The following VEPH1 variants were observed in gnomAD, a reference collection of about 807,000 sequenced individuals.
The protein encoded by VEPH1 is ventricular zone expressed PH domain containing 1.
VEPH1 carries 80 observed loss-of-function variants against 85.2 expected under a neutral mutation model. The ratio of observed to expected loss-of-function variants is 0.94; its 90% CI spans 0.78 to 1.13. The LOEUF (loss-of-function observed/expected upper bound fraction) is 1.13, where lower values mean the gene tolerates loss of function less well. VEPH1 is among the 50% of genes most tolerant of loss of function. The pLI is 0.00. For synonymous variants in VEPH1, 297 were observed against 348.0 expected, an observed-to-expected ratio of 0.85 and a Z score of 1.63; for missense variants, 955 against 980.5, an observed-to-expected ratio of 0.97 and a Z score of 0.35.
chr3:157,321,820 T>C (rs7642909), intron 9 of VEPH1, among the ~76,000 whole-genome samples: 76,215 of 151,958 alleles, frequency 0.5, 19,946 homozygotes, highest in Admixed American at 0.62. Context: ...TCTACTTAAA[T>C]GATTTTTACA....
intron 1 of VEPH1, among the ~76,000 whole-genome samples, chr3:157,501,264 G>A (rs1230303207): frequency 1.3e-5 from 2 of 152,168 alleles, no homozygotes; most frequent in Non-Finnish European, 2.9e-5. Flanking sequence ...TCTCTTGAAT[G>A]GGTCCCTGTT....
At chr3:157,369,201 A>AAAAAAAAAAAAC (rs1727200243) in intron 7 of VEPH1, among the ~76,000 whole-genome samples, 1 of 147,410 alleles carries the variant, frequency 6.8e-6, no homozygotes, top group Admixed American at 6.8e-5. Flanking sequence ...AAAAAAAAAA[A>AAAAAAAAAAAAC]AAACCTCCTG....
At chr3:157,410,865 G>A (rs1731481444) in intron 6 of VEPH1, among the ~76,000 whole-genome samples, 1 of 152,138 alleles carries the variant, frequency 6.6e-6, no homozygotes, top group Non-Finnish European at 1.5e-5. Flanking sequence ...ATCCACAAAT[G>A]TGAAATGAAT....
intron 6 of VEPH1, among the ~76,000 whole-genome samples, chr3:157,392,054 G>T (rs1488531052): frequency 6.6e-6 from 1 of 152,158 alleles, no homozygotes; most frequent in Admixed American, 6.5e-5. Flanking sequence ...GTTAACACTA[G>T]ATCAGCCTTA....
intron 9 of VEPH1, 93 bp downstream of exon 9, chr3:157,363,271 G>GA (rs1045210636): frequency 1.1e-5 from 14 of 1,255,050 alleles, no homozygotes; most frequent in Non-Finnish European, 1.5e-5. Context: ...AAAAGATCCA[G>GA]AAAAGAGTAT....
chr3:157,392,825 G>A (rs189503002), intron 6 of VEPH1, among the ~76,000 whole-genome samples: 5 of 152,232 alleles, frequency 3.3e-5, no homozygotes, highest in Non-Finnish European at 5.9e-5. Context: ...CTAACAGTTC[G>A]GCGGCAGATA....
At chr3:157,320,720 A>C (rs1303974775) in intron 9 of VEPH1, among the ~76,000 whole-genome samples, 1 of 152,162 alleles carries the variant, frequency 6.6e-6, no homozygotes, top group Non-Finnish European at 1.5e-5. Context: ...TAACATGAAC[A>C]TAAGTAATTA....
chr3:157,494,307 A>G (rs976773447), intron 2 of VEPH1, among the ~76,000 whole-genome samples: 1 of 152,040 alleles, frequency 6.6e-6, no homozygotes, highest in African/African-American at 2.4e-5. Flanking sequence ...CTTGAGTCCC[A>G]CCACTTTCAT....
At chr3:157,438,029 GCGCGCGCGCA>G (rs1279332331) in intron 4 of VEPH1, 60 of 844,928 alleles carry the variant, frequency 7.1e-5, no homozygotes, top group African/African-American at 1.7e-4. Context: ...AAGCGCGCGC[GCGCGCGCGCA>G]CACACACACA....
chr3:157,445,423 C>T lies in VEPH1; in HGVS notation c.529+14758G>A, dbSNP rs140526638. Among the ~76,000 whole-genome samples, 519 of 152,160 alleles carry T rather than the reference C, an allele frequency of 3.4e-3. 2 individuals carry two copies. The highest frequency in any genetic ancestry group is 0.011 in the African/African-American group (450 of 41,512). On this transcript the variant is annotated intron_variant, in intron 4 of 13. Transcript: ENST00000362010. The stretch of plus-strand genomic sequence containing the variant: ...AGATCAGAAGCTCAGGAGATCGAGA[C>T]CATCCTGGCCAACATGGTGAAACCC...
At chr3:157,376,030 TC>T (rs1728059663) in intron 7 of VEPH1, among the ~76,000 whole-genome samples, 1 of 152,182 alleles carries the variant, frequency 6.6e-6, no homozygotes, top group Non-Finnish European at 1.5e-5. Flanking sequence ...ACTGTAACCT[TC>T]CTCTACCCTC....
intron 2 of VEPH1, among the ~76,000 whole-genome samples, chr3:157,472,516 T>C (rs1018700368): frequency 6.6e-6 from 1 of 152,040 alleles, no homozygotes. Flanking sequence ...GCTTCAGAAT[T>C]TTTTTTTAAC....
At chr3:157,283,161 T>C (rs375470946) in intron 12 of VEPH1, among the ~76,000 whole-genome samples, 1 of 152,220 alleles carries the variant, frequency 6.6e-6, no homozygotes, top group African/African-American at 2.4e-5. Flanking sequence ...ATTATAACAT[T>C]ACTGAATGAT....
chr3:157,377,781 C>A (rs1046479690), intron 7 of VEPH1, among the ~76,000 whole-genome samples: 1 of 152,166 alleles, frequency 6.6e-6, no homozygotes, highest in African/African-American at 2.4e-5. Context: ...GTTAATTAAA[C>A]CTCTATCCTT....
intron 12 of VEPH1, among the ~76,000 whole-genome samples, chr3:157,284,351 A>G (rs773466795): frequency 1.3e-5 from 2 of 152,192 alleles, no homozygotes; most frequent in Non-Finnish European, 2.9e-5. Flanking sequence ...TACCTTATTC[A>G]TATTTCTATC....
intron 7 of VEPH1, 42 bp from the exon 8 acceptor site, chr3:157,364,554 T>C (rs1199782183): frequency 6.4e-7 from 1 of 1,565,372 alleles, no homozygotes. Flanking sequence ...AGGTCATATA[T>C]ACTCTTCAGA....
At chr3:157,456,870 T>C (rs1421603158) in intron 4 of VEPH1, among the ~76,000 whole-genome samples, 1 of 152,190 alleles carries the variant, frequency 6.6e-6, no homozygotes, top group South Asian at 2.1e-4. Flanking sequence ...CTTTTTTGGT[T>C]CCATATGAAT....
intron 9 of VEPH1, among the ~76,000 whole-genome samples, chr3:157,327,208 C>A (rs16827483): frequency 0.22 from 33,754 of 152,094 alleles, 4,575 homozygotes; most frequent in Admixed American, 0.41. Context: ...GACATTAATG[C>A]TTTCCACCAC....
chr3:157,499,252 G>GTTTTTTT (rs72395333), intron 1 of VEPH1: 25 of 128,424 alleles, frequency 1.9e-4, no homozygotes, highest in African/African-American at 7.5e-4. Flanking sequence ...TCATTATTTA[G>GTTTTTTT]TTTTTTTTTT....
Sources: gnomAD v4.1 joint callset for allele counts (sites outside exome capture counted in the v4.1 genomes callset) on GRCh38, gnomAD v4.1.1 for gene constraint, MANE v1.5 for transcripts, NCBI Gene and HGNC (gene_info 2026-07-23, HGNC 2026-07-21) for gene names.